The following SLC39A10 variants were observed in gnomAD, a reference collection of about 807,000 sequenced individuals.
SLC39A10 encodes the protein zinc transporter ZIP10.
A neutral mutation model predicts 65.1 loss-of-function variants in SLC39A10; 13 were observed. The ratio of observed to expected loss-of-function variants is 0.20; its 90% CI spans 0.13 to 0.32. The LOEUF is 0.32. SLC39A10 is among the 10% of genes least tolerant of loss of function. The pLI is 1.00. For synonymous variants in SLC39A10, 321 were observed against 342.2 expected (o/e 0.94, Z 0.68); for missense variants, 831 against 1,018.4 (o/e 0.82, Z 2.50).
intron 3 of SLC39A10, among the ~76,000 whole-genome samples, chr2:195,688,592 A>G (rs1311569809): frequency 6.6e-6 from 1 of 152,160 alleles, no homozygotes; most frequent in East Asian, 1.9e-4. Context: ...CATGTTCGTA[A>G]TGTTGTATAC....
At chr2:195,613,151 T>C (rs1472724030) in intron 2 of SLC39A10, among the ~76,000 whole-genome samples, 2 of 152,260 alleles carry the variant, frequency 1.3e-5, no homozygotes, top group East Asian at 3.9e-4. Flanking sequence ...TCAACAATGT[T>C]CTCTGACCTG....
intron 1 of SLC39A10, among the ~76,000 whole-genome samples, chr2:195,659,553 C>T (rs1689301483): frequency 6.6e-6 from 1 of 152,152 alleles, no homozygotes; most frequent in Non-Finnish European, 1.5e-5. Context: ...TGTTAATATT[C>T]TGTTCACCCA....
At chr2:195,677,463 G>A (rs1435861986) in intron 1 of SLC39A10, among the ~76,000 whole-genome samples, 1 of 152,150 alleles carries the variant, frequency 6.6e-6, no homozygotes, top group Non-Finnish European at 1.5e-5. Context: ...GTGCCTGGAA[G>A]TTTAAGGCTC....
intron 8 of SLC39A10, among the ~76,000 whole-genome samples, chr2:195,723,898 A>G (rs1200885592): frequency 1.3e-5 from 2 of 152,178 alleles, no homozygotes; most frequent in African/African-American, 4.8e-5. Flanking sequence ...CATGTACCCC[A>G]TGCTTCTAAA....
At position 195,708,664 on chromosome 2, in the gene SLC39A10, T is replaced by C; in HGVS notation, c.1395T>C (p.Gly465=). The change falls in exon 5 of 10, where the codon GGT becomes GGC. Residue 465 remains glycine, a synonymous_variant. Transcript: ENST00000359634. ...ALLHLLPHSQ[G]GHDHSHQHAH... ...TTTGTTCTTATTAATAGTCTCAGGG[T>C]GGACATGATCACAGTCACCAACATG... 1 of 1,593,928 alleles carries C rather than the reference T, an allele frequency of 6.3e-7. No individual in the cohort carries two copies. The highest frequency in any genetic ancestry group is 8.5e-7 in the Non-Finnish European group (1 of 1,172,158).
chr2:195,677,543 CAAAA>C (rs58681043), intron 1 of SLC39A10, among the ~76,000 whole-genome samples: 69,209 of 150,962 alleles, frequency 0.46, 16,993 homozygotes, highest in Non-Finnish European at 0.57. Context: ...CAAAAACAAA[CAAAA>C]AAAAATCCAC....
In SLC39A10 at chr2:195,676,521, T is replaced by C. The variant is rs116066419; in HGVS notation, c.-11-3511T>C. 9.9e-3 allele frequency among the ~76,000 whole-genome samples: 1,505 copies of C among 152,268 alleles called. 34 individuals carry two copies. Among genetic ancestry groups the C allele is most frequent in the African/African-American group, 0.034 (1,405 of 41,546 alleles). On this transcript the variant is annotated intron_variant, in intron 1 of 9. Transcript: ENST00000359634. ...CTCTTACATTTTCTTCTAGAACTTGTTGATAATTTTGCTTTTCACATATAG... is the reference window on the plus strand; with the variant it reads ...CTCTTACATTTTCTTCTAGAACTTGCTGATAATTTTGCTTTTCACATATAG...
At chr2:195,666,288 A>G (rs974959484) in intron 1 of SLC39A10, among the ~76,000 whole-genome samples, 1 of 152,158 alleles carries the variant, frequency 6.6e-6, no homozygotes, top group South Asian at 2.1e-4. Flanking sequence ...TTTTTTTCCC[A>G]TGACGTCATG....
At chr2:195,615,582 T>G (rs984263878) in intron 2 of SLC39A10, among the ~76,000 whole-genome samples, 1 of 152,210 alleles carries the variant, frequency 6.6e-6, no homozygotes, top group African/African-American at 2.4e-5. Context: ...CTTTTTAAAT[T>G]TCGCAGATGA....
intron 1 of SLC39A10, among the ~76,000 whole-genome samples, chr2:195,675,103 G>A (rs1192148627): frequency 6.6e-6 from 1 of 152,080 alleles, no homozygotes; most frequent in Admixed American, 6.5e-5. Flanking sequence ...TCAAAGATAC[G>A]TAAAGAGAGG....
intron 1 of SLC39A10, among the ~76,000 whole-genome samples, chr2:195,670,118 C>T (rs544894618): frequency 6.6e-6 from 1 of 152,168 alleles, no homozygotes; most frequent in South Asian, 2.1e-4. Flanking sequence ...GAGATCATGC[C>T]ACTGCACTCC....
intron 8 of SLC39A10, among the ~76,000 whole-genome samples, chr2:195,726,473 C>T (rs954419481): frequency 7.2e-5 from 11 of 151,904 alleles, no homozygotes; most frequent in Non-Finnish European, 1.3e-4. Context: ...AGAAAATTAA[C>T]GAAACTCCAG....
At chr2:195,692,466 C>T (rs1690782365) in intron 3 of SLC39A10, among the ~76,000 whole-genome samples, 1 of 152,174 alleles carries the variant, frequency 6.6e-6, no homozygotes, top group Non-Finnish European at 1.5e-5. Flanking sequence ...ATCGATTCTA[C>T]CTATCCATGA....
chr2:195,714,568 C>A (rs1691716216), intron 6 of SLC39A10, among the ~76,000 whole-genome samples: 1 of 152,102 alleles, frequency 6.6e-6, no homozygotes, highest in Non-Finnish European at 1.5e-5. Context: ...CCCTCCCCCT[C>A]AGATTATCTT....
At chr2:195,715,547 AAG>A (rs969566569) in intron 6 of SLC39A10, among the ~76,000 whole-genome samples, 4 of 151,188 alleles carry the variant, frequency 2.6e-5, no homozygotes, top group Non-Finnish European at 4.4e-5. Context: ...AAAAAAAAAA[AAG>A]AAATTCAAGA....
At chr2:195,642,336 G>A (rs549485309) in intron 2 of SLC39A10, among the ~76,000 whole-genome samples, 1 of 152,306 alleles carries the variant, frequency 6.6e-6, no homozygotes, top group East Asian at 1.9e-4. Flanking sequence ...AATTGTAACT[G>A]TAAGAGAATC....
intron 8 of SLC39A10, among the ~76,000 whole-genome samples, chr2:195,720,179 G>A (rs554317652): frequency 2.1e-4 from 32 of 152,260 alleles, no homozygotes; most frequent in Admixed American, 1.2e-3. Context: ...TGCCTGCCTC[G>A]GCCTCCCAAA....
At chr2:195,630,103 ATGTGTGTGTG>A (rs35865354) in intron 2 of SLC39A10, among the ~76,000 whole-genome samples, 2 of 131,822 alleles carry the variant, frequency 1.5e-5, no homozygotes, top group South Asian at 5.0e-4. Flanking sequence ...CTCATTTTAT[ATGTGTGTGTG>A]TGTGTGTGTG....
chr2:195,720,582 T>C (rs1691996430), intron 8 of SLC39A10, among the ~76,000 whole-genome samples: 3 of 152,254 alleles, frequency 2.0e-5, no homozygotes, highest in Admixed American at 1.3e-4. Flanking sequence ...TTGCTCATTT[T>C]GAATAGAACT....
Sources: allele counts gnomAD v4.1 joint callset (sites outside exome capture counted in the v4.1 genomes callset), GRCh38; gene constraint gnomAD v4.1.1; transcripts MANE v1.5; gene names NCBI Gene and HGNC (gene_info 2026-07-23, HGNC 2026-07-21).